Variants in DGKB observed in about 807,000 individuals in gnomAD.
DGKB encodes diacylglycerol kinase beta.
A neutral mutation model predicts 114.3 loss-of-function variants in DGKB; 67 were observed. That is an observed-to-expected ratio of 0.59 (90% CI 0.48 to 0.72). The LOEUF (loss-of-function observed/expected upper bound fraction) is 0.72. DGKB is among the 30% of genes least tolerant of loss of function. DGKB has a pLI of 0.00. For missense variants in DGKB, 907 were observed against 975.2 expected, an observed-to-expected ratio of 0.93 and a Z score of 0.93; for synonymous variants, 398 against 323.1, an observed-to-expected ratio of 1.23 and a Z score of -2.49.
chr7:14,757,955 T>A (rs544861105), intron 2 of DGKB, among the ~76,000 whole-genome samples: 12 of 152,062 alleles, frequency 7.9e-5, no homozygotes, highest in African/African-American at 2.9e-4. Flanking sequence ...ACAATACAGC[T>A]GGATAAGAAA....
intron 23 of DGKB, among the ~76,000 whole-genome samples, chr7:14,243,522 C>A (rs10950513): frequency 0.5 from 76,275 of 151,982 alleles, 19,705 homozygotes; most frequent in African/African-American, 0.62. Flanking sequence ...TGTGTTGCAT[C>A]CACCTAAGAC....
intron 23 of DGKB, among the ~76,000 whole-genome samples, chr7:14,277,579 T>C (rs1799218134): frequency 6.6e-6 from 1 of 152,232 alleles, no homozygotes; most frequent in South Asian, 2.1e-4. Flanking sequence ...TTCATTCATG[T>C]TGTTACTAAT....
chr7:14,763,446 TCACTC>T (rs1836004619), intron 2 of DGKB, among the ~76,000 whole-genome samples: 1 of 152,102 alleles, frequency 6.6e-6, no homozygotes, highest in Non-Finnish European at 1.5e-5. Flanking sequence ...TAACAAATAT[TCACTC>T]CACTTAACAC....
Position 14,824,760 on chromosome 7 carries a change from G to T in DGKB, c.70+16434C>A, listed in dbSNP as rs1845427827. ...AAATTATTAAGTTGATCTAGTCTTT[G>T]TCTTTCAAGATCATAGTATATGAAG... On this transcript the variant is annotated intron_variant, in intron 2 of 25. Coordinates refer to ENST00000402815, the MANE Select transcript of DGKB (RefSeq NM_001350709.2). Among the ~76,000 whole-genome samples the T allele has an allele frequency of 2.6e-5, 4 of 151,636 alleles. No individual in the cohort carries two copies. The South Asian group carries it at 8.3e-4, about 32-fold the overall frequency.
chr7:14,768,062 C>A (rs28438077), intron 2 of DGKB, among the ~76,000 whole-genome samples: 2,805 of 151,990 alleles, frequency 0.018, 63 homozygotes, highest in African/African-American at 0.059. Flanking sequence ...GTGGAGAAAC[C>A]AAAGTCTATT....
At chr7:14,841,866 G>C (rs10261580) in intron 1 of DGKB, among the ~76,000 whole-genome samples, 15,978 of 152,120 alleles carry the variant, frequency 0.11, 1,533 homozygotes, top group East Asian at 0.3. Flanking sequence ...TTTTGGAGAA[G>C]TCATATAATT....
At chr7:14,784,468 C>G (rs1839584111) in intron 2 of DGKB, among the ~76,000 whole-genome samples, 1 of 151,530 alleles carries the variant, frequency 6.6e-6, no homozygotes, top group South Asian at 2.1e-4. Context: ...CCCAGTTTCC[C>G]AGGTTCAAGC....
At chr7:14,236,996 A>G (rs1792896012) in intron 23 of DGKB, among the ~76,000 whole-genome samples, 1 of 151,914 alleles carries the variant, frequency 6.6e-6, no homozygotes, top group Admixed American at 6.6e-5. Flanking sequence ...TCAATCTGGC[A>G]TATTAACCCT....
chr7:14,807,048 G>T (rs1842867696), intron 2 of DGKB, among the ~76,000 whole-genome samples: 1 of 149,032 alleles, frequency 6.7e-6, no homozygotes. Context: ...AGTTCTTGGA[G>T]AAAAAAAAAA....
intron 2 of DGKB, among the ~76,000 whole-genome samples, chr7:14,825,016 GTATA>G (rs67135250): frequency 0.12 from 10,696 of 92,276 alleles, 666 homozygotes; most frequent in African/African-American, 0.16. Flanking sequence ...GTATGTGTAT[GTATA>G]TATATATATA....
intron 23 of DGKB, among the ~76,000 whole-genome samples, chr7:14,226,994 T>G (rs969767996): frequency 6.6e-6 from 1 of 152,060 alleles, no homozygotes; most frequent in African/African-American, 2.4e-5. Context: ...CACCTCCACC[T>G]TCTAAGTAAC....
chr7:14,329,744 A>C (rs184302015), intron 23 of DGKB, among the ~76,000 whole-genome samples: 13 of 152,090 alleles, frequency 8.5e-5, no homozygotes, highest in African/African-American at 3.1e-4. Flanking sequence ...ATATTTAGGA[A>C]ATTTGTATGG....
At chr7:14,595,292 G>C (rs980408494) in intron 17 of DGKB, among the ~76,000 whole-genome samples, 1 of 152,012 alleles carries the variant, frequency 6.6e-6, no homozygotes, top group African/African-American at 2.4e-5. Context: ...TGAGAAAGCG[G>C]TTCTTTAGTG....
chr7:14,689,199 ATTTT>A (rs551618345), intron 9 of DGKB, among the ~76,000 whole-genome samples: 35 of 76,570 alleles, frequency 4.6e-4, no homozygotes, highest in East Asian at 1.4e-3. Context: ...AACTCCTCTT[ATTTT>A]TTTTTTTTTT....
At chr7:14,788,629 T>A (rs535557365) in intron 2 of DGKB, among the ~76,000 whole-genome samples, 1 of 152,220 alleles carries the variant, frequency 6.6e-6, no homozygotes, top group South Asian at 2.1e-4. Flanking sequence ...CTGCAGAAAT[T>A]ATTTAAACTA....
At chr7:14,501,369 G>T (rs183220945) in intron 20 of DGKB, among the ~76,000 whole-genome samples, 2 of 94,398 alleles carry the variant, frequency 2.1e-5, no homozygotes, top group East Asian at 6.4e-4. Flanking sequence ...TATGGCTTTT[G>T]TCTGATTGAG....
rs35486620 is a variant in DGKB at position 14,696,501 on chromosome 7, C to CAAAAAA, written c.591+1588_591+1593dup. ...TGGGCGACAGAGCGAGACTCCGTCT[C>CAAAAAA]AAAAAAAAAAAAAAAAAAAAAAAAA... On this transcript the variant is annotated intron_variant, in intron 8 of 25. Coordinates refer to ENST00000402815, the MANE Select transcript of DGKB (RefSeq NM_001350709.2). Among the ~76,000 whole-genome samples, 48 of 45,080 alleles carry CAAAAAA rather than the reference C, an allele frequency of 1.1e-3. 1 individual carries two copies. The highest frequency in any genetic ancestry group is 2.3e-3 in the South Asian group (1 of 442). The allele number at this position is 45,080 out of a possible 152,430, so 29.6% of individuals were successfully genotyped here.
chr7:14,261,359 T>A (rs1319808816), intron 23 of DGKB, among the ~76,000 whole-genome samples: 34 of 152,130 alleles, frequency 2.2e-4, no homozygotes, highest in Non-Finnish European at 4.4e-5. Flanking sequence ...ATAGGTGGCC[T>A]CTTCATATTT....
rs184987920 is a variant in DGKB at position 14,244,484 on chromosome 7, G to A, written c.2123-66333C>T. On this transcript the variant is annotated intron_variant, in intron 23 of 25. Coordinates refer to ENST00000402815, the MANE Select transcript of DGKB (RefSeq NM_001350709.2). ...ATCCTGGCTAACACGGTGAAACCCCGTCTCTACTAAAAGTACAAAAAGAAA... is the reference window on the plus strand; with the variant it reads ...ATCCTGGCTAACACGGTGAAACCCCATCTCTACTAAAAGTACAAAAAGAAA... Among the ~76,000 whole-genome samples, 17 of 147,746 alleles carry A rather than the reference G, an allele frequency of 1.2e-4. No individual in the cohort carries two copies. The East Asian group carries it at 2.0e-3, about 17-fold the overall frequency.
Sources: gnomAD v4.1 joint callset for allele counts (sites outside exome capture counted in the v4.1 genomes callset) on GRCh38, gnomAD v4.1.1 for gene constraint, MANE v1.5 for transcripts, NCBI Gene and HGNC (gene_info 2026-07-23, HGNC 2026-07-21) for gene names.